The following PIK3R2 variants were observed in gnomAD, a reference collection of about 807,000 sequenced individuals.
PIK3R2 encodes the protein phosphoinositide-3-kinase regulatory subunit 2, also known as phosphatidylinositol 3-kinase regulatory subunit beta.
A neutral mutation model predicts 78.5 loss-of-function variants in PIK3R2; 40 were observed. That is an observed-to-expected ratio of 0.51 (90% CI 0.40 to 0.66). PIK3R2 has a LOEUF of 0.66. Among genes scored for constraint, PIK3R2 ranks in the 30% least tolerant of loss-of-function variants. The pLI is 0.00. For synonymous variants in PIK3R2, 473 were observed against 457.7 expected, an observed-to-expected ratio of 1.03 and a Z score of -0.43; for missense variants, 880 against 1,026.6, an observed-to-expected ratio of 0.86 and a Z score of 1.95.
At position 18,169,797 on chromosome 19, in the gene PIK3R2, C is replaced by G. The variant is rs559436739; in HGVS notation, c.*503C>G. The stretch of plus-strand genomic sequence containing the variant: ...GAACCTCGGCCGTGACATTCGGGGC[C>G]GGGCGGGACCCGCCCCACAGACTCC... On this transcript the variant is annotated 3_prime_UTR_variant, in exon 16 of 16. Coordinates refer to ENST00000222254, the MANE Select transcript of PIK3R2 (RefSeq NM_005027.4). The G allele has an allele frequency of 4.9e-6, 1 of 205,520 alleles. No individual in the cohort carries two copies. The highest frequency in any genetic ancestry group is 1.0e-5 in the Non-Finnish European group (1 of 100,142). The allele number at this position is 205,520 out of a possible 1,614,324, so 12.7% of individuals were successfully genotyped here.
chr19:18,156,024 C>T lies in PIK3R2; in HGVS notation c.145C>T (p.Arg49Cys), dbSNP rs1022260890. 1.6e-5 allele frequency: 25 copies of T among 1,558,882 alleles called. No homozygotes were observed. The highest frequency in any genetic ancestry group is 5.4e-5 in the African/African-American group (4 of 73,424). ...QALGVAEGGERCPQSVGWMPG... is the reference protein window; with the variant it reads ...QALGVAEGGECCPQSVGWMPG... ...GCTGGGCGTGGCCGAGGGTGGCGAG[C>T]GCTGCCCACAGAGCGTGGGCTGGAT... The change falls in exon 2 of 16, where the codon CGC becomes TGC. Residue 49 changes from arginine to cysteine, a missense_variant. This residue lies in a region of PIK3R2 where 456 missense variants were observed against 486.6 expected (regional missense o/e 0.94). Coordinates refer to ENST00000222254, the MANE Select transcript of PIK3R2 (RefSeq NM_005027.4). The surrounding 1 kb of genome is among the most constrained non-coding windows in gnomAD (Gnocchi z 4.2).
At position 18,156,239 on chromosome 19, in the gene PIK3R2, C is replaced by A; in HGVS notation, c.322+38C>A. 7.1e-7 allele frequency: 1 copy of A among 1,406,118 alleles called. No individual in the cohort carries two copies. The highest frequency in any genetic ancestry group is 1.5e-5 in the South Asian group (1 of 67,886). 87.1% of individuals were successfully genotyped at this position (1,406,118 alleles called of 1,614,324 possible). On this transcript the variant is annotated intron_variant, in intron 2 of 15. Transcript: ENST00000222254. The surrounding 1 kb of genome is among the most constrained non-coding windows in gnomAD (Gnocchi z 4.2). ...CAGGGGCCCTGGAAAGGGGGGTGGT[C>A]CCCTCAGACCCTTGGTCTCCTCTTC...
chr19:18,159,247 T>A (rs2043714998), intron 2 of PIK3R2, among the ~76,000 whole-genome samples: 1 of 147,248 alleles, frequency 6.8e-6, no homozygotes, highest in African/African-American at 2.5e-5. Flanking sequence ...TGCCTTGGCC[T>A]CCCAAAGTGT....
intron 1 of PIK3R2, 120 bp from the exon 2 acceptor site, chr19:18,155,337 G>A (rs759140360): frequency 3.0e-6 from 1 of 329,960 alleles, no homozygotes; most frequent in Non-Finnish European, 5.5e-6. Flanking sequence ...GCCCTGAGAG[G>A]GACCGGCCCC....
At chr19:18,158,434 TGATCCAA>T (rs1453641952) in intron 2 of PIK3R2, among the ~76,000 whole-genome samples, 2 of 150,712 alleles carry the variant, frequency 1.3e-5, no homozygotes, top group African/African-American at 4.9e-5. Context: ...GAGGTTGCAG[TGATCCAA>T]GATCATGCCA....
intron 11 of PIK3R2, among the ~76,000 whole-genome samples, chr19:18,164,259 C>T (rs1224010073): frequency 2.0e-5 from 3 of 152,150 alleles, no homozygotes; most frequent in Admixed American, 2.0e-4. Context: ...CCAGGATGAG[C>T]CTATCTCCGG....
chr19:18,162,820 G>A (rs2043764630), intron 9 of PIK3R2, 147 bp from the exon 10 acceptor site: 5 of 675,142 alleles, frequency 7.4e-6, no homozygotes, highest in Non-Finnish European at 9.9e-6. Context: ...AACCCGGGAG[G>A]TGGAGGTTGC....
At chr19:18,163,688 G>A (rs530558562) in intron 11 of PIK3R2, among the ~76,000 whole-genome samples, 1 of 152,260 alleles carries the variant, frequency 6.6e-6, no homozygotes, top group Admixed American at 6.5e-5. Flanking sequence ...TGGGTGTCGT[G>A]GTGCATGCTT....
intron 11 of PIK3R2, among the ~76,000 whole-genome samples, chr19:18,165,172 A>G (rs1568638065): frequency 6.6e-6 from 1 of 150,662 alleles, no homozygotes; most frequent in African/African-American, 2.4e-5. Context: ...GTTCAAGACC[A>G]GTCTGGCCAA....
rs899473219 is a variant in PIK3R2 at position 18,154,074 on chromosome 19, C to T, written c.-424+780C>T. Among the ~76,000 whole-genome samples, 6 of 152,294 alleles carry T rather than the reference C, an allele frequency of 3.9e-5. No individual in the cohort carries two copies. The South Asian group carries it at 1.0e-3, about 26-fold the overall frequency. ...CCTATCCTTATAGCCACCCTGAATC[C>T]TTGACAAGCAACTTAACCCACTGCC... On this transcript the variant is annotated intron_variant, in intron 1 of 15. Transcript: ENST00000222254.
rs766881451 is a variant in PIK3R2 at position 18,162,952 on chromosome 19, C to T, written c.1110-15C>T. 3.7e-6 allele frequency: 6 copies of T among 1,611,038 alleles called. No homozygotes were observed. Among genetic ancestry groups the T allele is most frequent in the South Asian group, 3.3e-5 (3 of 91,004 alleles). On this transcript the variant is annotated splice_polypyrimidine_tract_variant and intron_variant, in intron 9 of 15. Transcript: ENST00000222254. ...CGGGGTCCCACTGGGTGCCGACACC[C>T]CTCTCCTCCCCCAGGAAAGGCGGGA...
rs1339710394 is a variant in PIK3R2 at position 18,162,215 on chromosome 19, AC to A, written c.921del (p.Lys308ArgfsTer33). ...CCTGTCCCCCAGCGCTGCCGCCTAA[AC>A]CCCCCAAGGCAAAGCCGGCCTCCAC... ...EVAPPALPPK[P>X]PKAKPASTVL... On this transcript the variant is annotated frameshift_variant, in exon 8 of 16. Coordinates refer to ENST00000222254, the MANE Select transcript of PIK3R2 (RefSeq NM_005027.4). LOFTEE classifies it high-confidence loss of function. 8 of 1,576,596 alleles carry A rather than the reference AC, an allele frequency of 5.1e-6. No individual in the cohort carries two copies. The highest frequency in any genetic ancestry group is 7.0e-6 in the Non-Finnish European group (8 of 1,148,418).
intron 7 of PIK3R2, 67 bp downstream of exon 7, chr19:18,162,118 C>A: frequency 6.6e-7 from 1 of 1,517,442 alleles, no homozygotes; most frequent in African/African-American, 1.4e-5. Flanking sequence ...CTGAGTGCTG[C>A]CGGCATCAGC....
rs2147944631 is a variant in PIK3R2, at chr19:18,155,919, C to A, written c.40C>A (p.Pro14Thr). The stretch of plus-strand genomic sequence containing the variant: ...GGGCTTCCAGTACCGCGCTCTGTAC[C>A]CGTTCCGCCGGGAGCGGCCGGAGGA... ...PEGFQYRALYPFRRERPEDLE... is the reference protein window; with the variant it reads ...PEGFQYRALYTFRRERPEDLE... The change falls in exon 2 of 16, where the codon CCG (proline) becomes ACG (threonine). Residue 14 changes from proline (P) to threonine (T), a missense_variant. Around this residue, in one of 3 missense-constraint regions of PIK3R2, gnomAD observed 456 missense variants for 486.6 expected, o/e 0.94. Coordinates refer to ENST00000222254, the MANE Select transcript of PIK3R2 (RefSeq NM_005027.4). 2 of 1,566,240 alleles carry A rather than the reference C, an allele frequency of 1.3e-6. No individual in the cohort carries two copies. The highest frequency in any genetic ancestry group is 2.4e-5 in the East Asian group (1 of 42,048).
rs547399236 is a variant in PIK3R2, at chr19:18,161,818, C to G, written c.816-148C>G. 3.0e-5 allele frequency: 20 copies of G among 657,452 alleles called. No individual in the cohort carries two copies. Among genetic ancestry groups the G allele is most frequent in the Non-Finnish European group, 5.3e-5 (20 of 374,116 alleles). The allele number at this position is 657,452 out of a possible 1,614,324, so 40.7% of individuals were successfully genotyped here. A position where few individuals can be genotyped will look rare whatever the true frequency, so the allele number is the denominator to read the frequency against. On this transcript the variant is annotated intron_variant, in intron 6 of 15. Transcript: ENST00000222254. The surrounding 1 kb of genome is among the most constrained non-coding windows in gnomAD (Gnocchi z 5.3). ...CATACAGCTATGAGGGAGCTGGCCTCGCACATGTGCCTGTATCATCTCCTC... is the reference window on the plus strand; with the variant it reads ...CATACAGCTATGAGGGAGCTGGCCTGGCACATGTGCCTGTATCATCTCCTC...
intron 11 of PIK3R2, 151 bp downstream of exon 11, chr19:18,163,539 C>G: frequency 2.5e-6 from 2 of 803,910 alleles, no homozygotes. Context: ...GTTCTAAAAA[C>G]ATAGAAATAA....
intron 11 of PIK3R2, among the ~76,000 whole-genome samples, chr19:18,164,232 C>G (rs2043783834): frequency 6.6e-6 from 1 of 152,314 alleles, no homozygotes; most frequent in African/African-American, 2.4e-5. Flanking sequence ...GTGGCTGAGC[C>G]AGGACCTGGG....
rs555346040 is a variant in PIK3R2 at position 18,169,552 on chromosome 19, T to C, written c.*258T>C. ...GGGGTCCTAACTCCCCCACCCCATATCTACGTGTCCTCCGGGCATTGCCCT... is the reference window on the plus strand; with the variant it reads ...GGGGTCCTAACTCCCCCACCCCATACCTACGTGTCCTCCGGGCATTGCCCT... On this transcript the variant is annotated 3_prime_UTR_variant, in exon 16 of 16. Coordinates refer to ENST00000222254, the MANE Select transcript of PIK3R2 (RefSeq NM_005027.4). 502 of 321,532 alleles carry C rather than the reference T, an allele frequency of 1.6e-3. 2 individuals carry two copies. The highest frequency in any genetic ancestry group is 9.3e-3 in the Middle Eastern group (11 of 1,186). The allele number at this position is 321,532 out of a possible 1,614,324, so 19.9% of individuals were successfully genotyped here.
chr19:18,156,053 C>T lies in PIK3R2; in HGVS notation c.174C>T (p.Pro58=), dbSNP rs953542284. 12 of 1,562,226 alleles carry T rather than the reference C, an allele frequency of 7.7e-6. No homozygotes were observed. The highest frequency in any genetic ancestry group is 5.7e-5 in the Admixed American group (3 of 52,782). ...GCCCACAGAGCGTGGGCTGGATGCC[C>T]GGCCTCAACGAGCGCACACGGCAGC... The part of the protein sequence containing the change: ...ERCPQSVGWM[P]GLNERTRQRG... The change falls in exon 2 of 16, where the codon CCC becomes CCT. Residue 58 remains proline (P), a synonymous_variant. Transcript: ENST00000222254. The surrounding 1 kb of genome is among the most constrained non-coding windows in gnomAD (Gnocchi z 4.2).
Sources: allele counts gnomAD v4.1 joint callset (sites outside exome capture counted in the v4.1 genomes callset), GRCh38; gene constraint gnomAD v4.1.1; regional missense constraint gnomAD v4.1.1; non-coding constraint Gnocchi (gnomAD v3.1); transcripts MANE v1.5; gene names NCBI Gene and HGNC (gene_info 2026-07-23, HGNC 2026-07-21).